Variants in MYO5B observed in about 807,000 individuals in gnomAD.
MYO5B encodes unconventional myosin-Vb.
A neutral mutation model predicts 229.3 loss-of-function variants in MYO5B; 143 were observed. The ratio of observed to expected loss-of-function variants is 0.62; its 90% confidence interval spans 0.54 to 0.72. The LOEUF (loss-of-function observed/expected upper bound fraction) is 0.72. Ranked by LOEUF, MYO5B falls within the 30% of genes least tolerant of loss-of-function variation. The probability of loss-of-function intolerance (pLI) is 0.00; values close to 1 mark genes in which losing one functional copy is unlikely to be tolerated. For missense variants in MYO5B, 2,321 were observed against 2,331.0 expected (o/e 1.00, Z 0.09); for synonymous variants, 918 against 885.2 (o/e 1.04, Z -0.66).
chr18:49,854,021 G>T (rs1227231551), intron 30 of MYO5B, among the ~76,000 whole-genome samples: 1 of 152,204 alleles, frequency 6.6e-6, no homozygotes, highest in African/African-American at 2.4e-5. Flanking sequence ...ATCTACATCT[G>T]CCCCAAAGTT....
intron 1 of MYO5B, among the ~76,000 whole-genome samples, chr18:50,089,664 AG>A (rs941452493): frequency 6.6e-6 from 1 of 151,846 alleles, no homozygotes; most frequent in Non-Finnish European, 1.5e-5. Flanking sequence ...TAATTATTTT[AG>A]GCAGATGGAA....
At chr18:49,953,892 ATATGTG>A (rs138729796) in intron 13 of MYO5B, among the ~76,000 whole-genome samples, 18 of 127,648 alleles carry the variant, frequency 1.4e-4, no homozygotes, top group African/African-American at 4.3e-4. Flanking sequence ...ATATATACAT[ATATGTG>A]TGTGTGTGTG....
chr18:49,901,495 CAAAGCTTAAAAATAA>C (rs753406031), intron 21 of MYO5B, among the ~76,000 whole-genome samples: 2 of 152,166 alleles, frequency 1.3e-5, no homozygotes, highest in Non-Finnish European at 2.9e-5. Context: ...AGAAAGAGGA[CAAAGCTTAAAAATAA>C]GAGTGCTAAC....
At chr18:49,978,113 A>C (rs2025772465) in intron 9 of MYO5B, among the ~76,000 whole-genome samples, 1 of 152,164 alleles carries the variant, frequency 6.6e-6, no homozygotes, top group Non-Finnish European at 1.5e-5. Flanking sequence ...TAGCAGAGAA[A>C]GGGCTGCCAC....
At chr18:50,095,219 T>G (rs1320230675) in intron 1 of MYO5B, among the ~76,000 whole-genome samples, 1 of 152,220 alleles carries the variant, frequency 6.6e-6, no homozygotes. Flanking sequence ...AAAATGTGTT[T>G]CCACTGAAGT....
chr18:49,997,870 A>G (rs1269345869), intron 5 of MYO5B, among the ~76,000 whole-genome samples: 5 of 152,176 alleles, frequency 3.3e-5, no homozygotes, highest in Non-Finnish European at 7.3e-5. Flanking sequence ...CGCCGTGACC[A>G]TAACCGATTG....
intron 1 of MYO5B, among the ~76,000 whole-genome samples, chr18:50,115,102 G>GT (rs2031934633): frequency 6.6e-6 from 1 of 152,176 alleles, no homozygotes; most frequent in Non-Finnish European, 1.5e-5. Flanking sequence ...ACTTACACCT[G>GT]TCCCCACACT....
intron 27 of MYO5B, among the ~76,000 whole-genome samples, chr18:49,868,411 G>A (rs762819057): frequency 1.3e-5 from 2 of 152,206 alleles, no homozygotes; most frequent in Non-Finnish European, 2.9e-5. Context: ...GTCAGTTGAG[G>A]TGAAAAGTGT....
At chr18:50,153,925 C>A (rs2032640156) in intron 1 of MYO5B, among the ~76,000 whole-genome samples, 1 of 152,126 alleles carries the variant, frequency 6.6e-6, no homozygotes, top group Non-Finnish European at 1.5e-5. Context: ...GGGCACCTCT[C>A]CACCACCTGT....
chr18:49,979,942 C>A (rs769793623), intron 9 of MYO5B, among the ~76,000 whole-genome samples: 2 of 152,218 alleles, frequency 1.3e-5, no homozygotes, highest in African/African-American at 2.4e-5. Flanking sequence ...TGAGCCTTCA[C>A]GGAGCACTTG....
At chr18:49,964,110 C>T (rs1211032967) in intron 10 of MYO5B, among the ~76,000 whole-genome samples, 1 of 152,132 alleles carries the variant, frequency 6.6e-6, no homozygotes, top group Admixed American at 6.5e-5. Flanking sequence ...TAATTCTTTC[C>T]TTAGGATGCT....
chr18:50,155,391 T>C (rs1020668958), intron 1 of MYO5B, among the ~76,000 whole-genome samples: 1 of 152,244 alleles, frequency 6.6e-6, no homozygotes, highest in African/African-American at 2.4e-5. Flanking sequence ...TTAAAAGAAC[T>C]ACAAATGGTA....
At chr18:49,867,336 G>T (rs548287699) in intron 27 of MYO5B, among the ~76,000 whole-genome samples, 1 of 152,166 alleles carries the variant, frequency 6.6e-6, no homozygotes, top group East Asian at 1.9e-4. Flanking sequence ...GACAAGATGG[G>T]GTTTCAGGGT....
chr18:50,194,764 C>T lies in MYO5B; in HGVS notation c.27+3G>A, dbSNP rs909568277. On this transcript the variant is annotated splice_donor_region_variant and intron_variant, in intron 1 of 39. Transcript: ENST00000285039. The stretch of plus-strand genomic sequence containing the variant: ...GGGGCGCCTCCCTCGCGGCCGCGCT[C>T]ACCTGGCTGTAGAGCTCGCCCACCG... The T allele has an allele frequency of 1.3e-5, 19 of 1,481,376 alleles. No individual in the cohort carries two copies. In the African/African-American group the frequency reaches 2.6e-4, roughly 21 times the overall value. 91.8% of individuals were successfully genotyped at this position (1,481,376 alleles called of 1,614,324 possible).
chr18:49,908,485 C>T (rs911653953), intron 18 of MYO5B, among the ~76,000 whole-genome samples: 1 of 152,214 alleles, frequency 6.6e-6, no homozygotes, highest in African/African-American at 2.4e-5. Context: ...GTGACTTGCT[C>T]AAGGTGACTT....
intron 1 of MYO5B, among the ~76,000 whole-genome samples, chr18:50,163,772 G>GTTCA (rs574458912): frequency 6.6e-6 from 1 of 152,176 alleles, no homozygotes; most frequent in South Asian, 2.1e-4. Context: ...GGACCCCATG[G>GTTCA]AGCTGGCCCC....
chr18:49,858,624 G>A (rs774083324), intron 29 of MYO5B, among the ~76,000 whole-genome samples: 2 of 152,220 alleles, frequency 1.3e-5, no homozygotes, highest in South Asian at 4.1e-4. Context: ...GGTGGGGCAC[G>A]CGAAGCTGAC....
At chr18:49,877,149 G>A (rs938376017) in intron 25 of MYO5B, among the ~76,000 whole-genome samples, 1 of 152,140 alleles carries the variant, frequency 6.6e-6, no homozygotes, top group Non-Finnish European at 1.5e-5. Context: ...ACGCGCGCAT[G>A]TGCCTGTGAT....
intron 16 of MYO5B, among the ~76,000 whole-genome samples, chr18:49,931,688 C>T (rs954421033): frequency 3.3e-5 from 5 of 152,152 alleles, no homozygotes; most frequent in Admixed American, 6.5e-5. Flanking sequence ...CCAGGGGCGG[C>T]AATGACCAGT....
Sources: gnomAD v4.1 joint callset for allele counts (sites outside exome capture counted in the v4.1 genomes callset) on GRCh38, gnomAD v4.1.1 for gene constraint, MANE v1.5 for transcripts, NCBI Gene and HGNC (gene_info 2026-07-23, HGNC 2026-07-21) for gene names.